MEGF11: variants seen among roughly 807,000 people sequenced by gnomAD.
MEGF11 encodes multiple epidermal growth factor-like domains protein 11.
A neutral mutation model predicts 146.6 loss-of-function variants in MEGF11; 126 were observed. The ratio of observed to expected loss-of-function variants is 0.86; its 90% CI spans 0.74 to 1.00. The LOEUF (loss-of-function observed/expected upper bound fraction) is 1.00. Ranked by LOEUF, MEGF11 falls within the 50% of genes least tolerant of loss-of-function variation. The pLI, the probability that MEGF11 is intolerant of heterozygous loss-of-function variation, is 0.00. For missense variants in MEGF11, 1,509 were observed against 1,521.2 expected (o/e 0.99, Z 0.13); for synonymous variants, 532 against 583.4 (o/e 0.91, Z 1.27).
At position 66,253,046 on chromosome 15, in the gene MEGF11, C is replaced by A. The variant is rs903732981; in HGVS notation, c.-9+559G>T. On this transcript the variant is annotated intron_variant, in intron 1 of 25. Coordinates refer to ENST00000395614, the MANE Select transcript of MEGF11 (RefSeq NM_001385028.1). ...GATACACGTTCCGCCTCCCTTCTCC[C>A]AAAAGCAAAAGCGTGCATGGCACTT... Among the ~76,000 whole-genome samples the A allele has an allele frequency of 5.3e-5, 8 of 152,352 alleles. No individual in the cohort carries two copies. In the South Asian group the frequency reaches 1.7e-3, roughly 32 times the overall value.
chr15:65,966,929 G>A (rs2081121315), intron 8 of MEGF11: 2 of 151,824 alleles, frequency 1.3e-5, no homozygotes. Context: ...ATAAGTCAAG[G>A]GTTAAACCTG....
intron 1 of MEGF11, among the ~76,000 whole-genome samples, chr15:66,225,947 A>G (rs2091843026): frequency 6.6e-6 from 1 of 152,212 alleles, no homozygotes; most frequent in African/African-American, 2.4e-5. Context: ...ACACACATAC[A>G]TACAGCAGCC....
chr15:66,250,924 A>G lies in MEGF11; in HGVS notation c.-9+2681T>C, dbSNP rs1305311874. On this transcript the variant is annotated intron_variant, in intron 1 of 25. Coordinates refer to ENST00000395614, the MANE Select transcript of MEGF11 (RefSeq NM_001385028.1). ...TCTCAAAAAAAAAAGAATGAAAAAA[A>G]AAGAGAGAAGGGGCAAAATAATGAG... Among the ~76,000 whole-genome samples, 4 of 152,304 alleles carry G rather than the reference A, an allele frequency of 2.6e-5. No homozygotes were observed. In the East Asian group the frequency reaches 7.7e-4, roughly 29 times the overall value.
chr15:66,143,014 C>A (rs1452022419), intron 1 of MEGF11, among the ~76,000 whole-genome samples: 1 of 152,196 alleles, frequency 6.6e-6, no homozygotes, highest in Non-Finnish European at 1.5e-5. Flanking sequence ...TAGTTCAGGT[C>A]TCTTGCAGCT....
intron 15 of MEGF11, among the ~76,000 whole-genome samples, chr15:65,918,594 G>A (rs2079077420): frequency 6.6e-6 from 1 of 152,254 alleles, no homozygotes; most frequent in Non-Finnish European, 1.5e-5. Context: ...GACCAGCCCT[G>A]AATGTCTGTC....
intron 5 of MEGF11, among the ~76,000 whole-genome samples, chr15:65,998,637 C>T (rs866510160): frequency 5.3e-5 from 8 of 152,030 alleles, no homozygotes; most frequent in African/African-American, 1.2e-4. Flanking sequence ...AAGTTGGAGA[C>T]GTAAGAGGGC....
intron 5 of MEGF11, among the ~76,000 whole-genome samples, chr15:65,993,334 C>T (rs1207780914): frequency 2.0e-5 from 3 of 152,158 alleles, no homozygotes. Context: ...AGCTATCTGT[C>T]CTTAGCTCTG....
intron 4 of MEGF11, among the ~76,000 whole-genome samples, chr15:66,103,485 A>G (rs1357855392): frequency 6.6e-6 from 1 of 152,216 alleles, no homozygotes; most frequent in African/African-American, 2.4e-5. Context: ...TAAATGAGTT[A>G]GTAATGAGGC....
In MEGF11 at chr15:66,088,114, A is replaced by C. The variant is rs112198715; in HGVS notation, c.394+6288T>G. On this transcript the variant is annotated intron_variant, in intron 5 of 25. Transcript: ENST00000395614. ...ATTCCTGGAAAATTACAACCCTTCC[A>C]GTTTAAATCAGGAAGAATTAGATAC... 6.8e-3 allele frequency among the ~76,000 whole-genome samples: 1,041 copies of C among 152,354 alleles called. 10 individuals are homozygous for C. Among genetic ancestry groups the C allele is most frequent in the African/African-American group, 0.023 (942 of 41,570 alleles).
chr15:66,248,250 T>C (rs2092323240), intron 1 of MEGF11, among the ~76,000 whole-genome samples: 1 of 152,194 alleles, frequency 6.6e-6, no homozygotes, highest in South Asian at 2.1e-4. Context: ...CATGATGCTG[T>C]TGAACAAACT....
intron 5 of MEGF11, among the ~76,000 whole-genome samples, chr15:66,081,710 C>A (rs1354069666): frequency 6.6e-6 from 1 of 152,242 alleles, no homozygotes; most frequent in East Asian, 1.9e-4. Flanking sequence ...AAACTGAGGC[C>A]CACAGAAAGG....
intron 1 of MEGF11, among the ~76,000 whole-genome samples, chr15:66,230,608 G>A (rs2091949307): frequency 6.6e-6 from 1 of 152,178 alleles, no homozygotes; most frequent in Non-Finnish European, 1.5e-5. Flanking sequence ...GCACTTTGAA[G>A]TTTGCAAGGC....
chr15:65,998,288 A>G (rs926574017), intron 5 of MEGF11, among the ~76,000 whole-genome samples: 2 of 152,034 alleles, frequency 1.3e-5, no homozygotes, highest in Non-Finnish European at 2.9e-5. Flanking sequence ...GAGAGAGAGA[A>G]AGAGAGAATG....
intron 5 of MEGF11, among the ~76,000 whole-genome samples, chr15:66,028,107 G>A (rs565815275): frequency 2.0e-4 from 30 of 152,242 alleles, no homozygotes; most frequent in African/African-American, 6.5e-4. Flanking sequence ...GCAGTAAGAT[G>A]TCTCTGTACC....
chr15:66,182,576 G>GA (rs759558438), intron 1 of MEGF11, among the ~76,000 whole-genome samples: 9 of 151,458 alleles, frequency 5.9e-5, no homozygotes, highest in South Asian at 2.1e-4. Context: ...TTCGCAGGGA[G>GA]AAAAAAAAAT....
At chr15:66,078,621 C>T (rs2085696410) in intron 5 of MEGF11, among the ~76,000 whole-genome samples, 2 of 152,220 alleles carry the variant, frequency 1.3e-5, no homozygotes, top group South Asian at 4.1e-4. Context: ...CTGGTGGGAG[C>T]AGGTGGGTGC....
intron 1 of MEGF11, among the ~76,000 whole-genome samples, chr15:66,228,061 C>T (rs900950220): frequency 3.9e-5 from 6 of 152,148 alleles, no homozygotes; most frequent in African/African-American, 9.7e-5. Context: ...ACTTCCTCTC[C>T]CTGGGCCTCG....
Position 66,232,002 on chromosome 15 carries a change from G to A in MEGF11, c.-9+21603C>T, listed in dbSNP as rs529050516. ...CCCATTTTACAGATGGTCAAACTGAGGTACACAGAAGCTAAAGGATTTGCC... is the reference window on the plus strand; with the variant it reads ...CCCATTTTACAGATGGTCAAACTGAAGTACACAGAAGCTAAAGGATTTGCC... On this transcript the variant is annotated intron_variant, in intron 1 of 25. Transcript: ENST00000395614. 2.9e-4 allele frequency among the ~76,000 whole-genome samples: 44 copies of A among 152,310 alleles called. 1 individual carries two copies. The South Asian group carries it at 8.9e-3, about 31-fold the overall frequency.
In MEGF11 at chr15:66,061,229, G is replaced by C. The variant is rs117104244; in HGVS notation, c.394+33173C>G. Among the ~76,000 whole-genome samples, 364 of 152,360 alleles carry C rather than the reference G, an allele frequency of 2.4e-3. 1 individual carries two copies. In the East Asian group the frequency reaches 0.024, roughly 10 times the overall value. On this transcript the variant is annotated intron_variant, in intron 5 of 25. Transcript: ENST00000395614. The stretch of plus-strand genomic sequence containing the variant: ...CCGACTCTGATCAGAGGACCAGGGA[G>C]AGTGGAGCTGCCCCACCCTGACTTC...
Sources: gnomAD v4.1 joint callset for allele counts (sites outside exome capture counted in the v4.1 genomes callset) on GRCh38, gnomAD v4.1.1 for gene constraint, MANE v1.5 for transcripts, NCBI Gene and HGNC (gene_info 2026-07-23, HGNC 2026-07-21) for gene names.